The following EXOSC10 variants were observed in gnomAD, a reference collection of about 807,000 sequenced individuals.
EXOSC10 encodes the protein exosome component 10, also known as exosome complex component 10.
A neutral mutation model predicts 126.6 loss-of-function variants in EXOSC10; 94 were observed. That is an observed-to-expected ratio of 0.74 (90% confidence interval 0.63 to 0.88). The LOEUF (loss-of-function observed/expected upper bound fraction) is 0.88, where lower values mean the gene tolerates loss of function less well. EXOSC10 is among the 40% of genes least tolerant of loss of function. EXOSC10 has a pLI of 0.00. For missense variants in EXOSC10, 1,041 were observed against 1,100.5 expected (o/e 0.95, Z 0.77); for synonymous variants, 395 against 400.8 (o/e 0.99, Z 0.17).
At chr1:11,098,231 T>G in intron 1 of EXOSC10, 75 bp from the exon 2 acceptor site, 1 of 1,505,212 alleles carries the variant, frequency 6.6e-7, no homozygotes, top group East Asian at 2.3e-5. Flanking sequence ...TTTTGATCTA[T>G]CGTATACAAG....
At chr1:11,090,327 A>G (rs1276062900) in intron 6 of EXOSC10, among the ~76,000 whole-genome samples, 1 of 152,182 alleles carries the variant, frequency 6.6e-6, no homozygotes, top group Non-Finnish European at 1.5e-5. Context: ...AAATGGGAAT[A>G]AGAGCAACTG....
chr1:11,090,781 A>T, intron 5 of EXOSC10, 113 bp from the exon 6 acceptor site: 1 of 859,376 alleles, frequency 1.2e-6, no homozygotes, highest in Non-Finnish European at 1.8e-6. Context: ...AGACAGGGTC[A>T]TGTTCTGTCC....
intron 1 of EXOSC10, 99 bp downstream of exon 1, chr1:11,099,622 G>A (rs1235001493): frequency 7.5e-7 from 1 of 1,330,430 alleles, no homozygotes; most frequent in Non-Finnish European, 1.0e-6. Context: ...CCTCGCTCGG[G>A]CTCCACTACG....
intron 9 of EXOSC10, among the ~76,000 whole-genome samples, chr1:11,083,703 T>C (rs933538086): frequency 1.1e-4 from 17 of 152,138 alleles, no homozygotes; most frequent in Non-Finnish European, 2.4e-4. Context: ...TGTATACATG[T>C]GCCATGCTGG....
At chr1:11,076,638 C>T (rs1280673124) in intron 17 of EXOSC10, among the ~76,000 whole-genome samples, 1 of 151,692 alleles carries the variant, frequency 6.6e-6, no homozygotes, top group Non-Finnish European at 1.5e-5. Flanking sequence ...AGAGAATCCC[C>T]CATCCACGTC....
chr1:11,078,407 G>A (rs1316768853), intron 14 of EXOSC10, among the ~76,000 whole-genome samples: 1 of 151,624 alleles, frequency 6.6e-6, no homozygotes, highest in East Asian at 1.9e-4. Context: ...ACAGGCGCCC[G>A]CCACTACGCC....
rs2100933152 is a variant in EXOSC10 at position 11,066,754 on chromosome 1, G to C, written c.2628-6C>G. The C allele has an allele frequency of 6.2e-7, 1 of 1,614,096 alleles. No individual in the cohort carries two copies. Among genetic ancestry groups the C allele is most frequent in the South Asian group, 1.1e-5 (1 of 91,088 alleles). The stretch of plus-strand genomic sequence containing the variant: ...GCCAGTTGTACCTGAAGCCTCTGCA[G>C]AGAGTACAAAAACAACAGTTATTTC... On this transcript the variant is annotated splice_polypyrimidine_tract_variant and splice_region_variant and intron_variant, in intron 24 of 24. Coordinates refer to ENST00000376936, the MANE Select transcript of EXOSC10 (RefSeq NM_001001998.3).
chr1:11,078,968 G>A (rs1182448969), intron 14 of EXOSC10, among the ~76,000 whole-genome samples: 1 of 152,030 alleles, frequency 6.6e-6, no homozygotes, highest in Non-Finnish European at 1.5e-5. Flanking sequence ...ATTTCCCTAG[G>A]GTTGTTTAGA....
chr1:11,080,563 A>AAAAAACACAC lies in EXOSC10; in HGVS notation c.1587-15_1587-14insGTGTGTTTTT, dbSNP rs763871842. The stretch of plus-strand genomic sequence containing the variant: ...GGCAGTACATATCTGGAAAAAAAAA[A>AAAAAACACAC]ACACACACACACACACACACACACA... On this transcript the variant is annotated splice_polypyrimidine_tract_variant and intron_variant, in intron 12 of 24. Transcript: ENST00000376936. The AAAAAACACAC allele has an allele frequency of 7.7e-6, 11 of 1,423,628 alleles. No homozygotes were observed. The East Asian group carries it at 2.6e-4, about 34-fold the overall frequency. 88.2% of individuals were successfully genotyped at this position (1,423,628 alleles called of 1,614,324 possible).
intron 21 of EXOSC10, chr1:11,070,681 C>T (rs2100947528): frequency 1.8e-6 from 1 of 544,402 alleles, no homozygotes; most frequent in Non-Finnish European, 3.2e-6. Flanking sequence ...GCATATTTAC[C>T]ATAAACACAG....
rs371921029 is a variant in EXOSC10 at position 11,092,014 on chromosome 1, T to C, written c.373-417A>G. On this transcript the variant is annotated intron_variant, in intron 3 of 24. Coordinates refer to ENST00000376936, the MANE Select transcript of EXOSC10 (RefSeq NM_001001998.3). Reference sequence around the variant, plus strand: ...CTAATTACCTAACATTTTAAAGAGATTGGTATTCAGAGACATTTGTGTAAG... The same window carrying C: ...CTAATTACCTAACATTTTAAAGAGACTGGTATTCAGAGACATTTGTGTAAG... 3.2e-4 allele frequency among the ~76,000 whole-genome samples: 48 copies of C among 152,264 alleles called. No homozygotes were observed. The South Asian group carries it at 8.1e-3, about 26-fold the overall frequency.
chr1:11,069,244 T>TGTGTGTGTGAGAGA lies in EXOSC10; in HGVS notation c.2488+314_2488+315insTCTCTCACACACAC. On this transcript the variant is annotated intron_variant, in intron 22 of 24. Transcript: ENST00000376936. ...ACAAAATTCTGTGTGTGTGTGTGTG[T>TGTGTGTGTGAGAGA]GAGAGAGAGAGAGAGGGTTTATGGG... 4.3e-5 allele frequency among the ~76,000 whole-genome samples: 5 copies of TGTGTGTGTGAGAGA among 116,896 alleles called. No individual in the cohort carries two copies. In the East Asian group the frequency reaches 1.3e-3, roughly 31 times the overall value. The allele number at this position is 116,896 out of a possible 152,430, so 76.7% of individuals were successfully genotyped here.
chr1:11,076,168 A>AAAACC (rs1639805793), intron 17 of EXOSC10, among the ~76,000 whole-genome samples: 1 of 151,888 alleles, frequency 6.6e-6, no homozygotes, highest in South Asian at 2.1e-4. Context: ...TCCATCTCAA[A>AAAACC]AAACCAAACC....
chr1:11,093,392 C>A (rs1640903623), intron 3 of EXOSC10, among the ~76,000 whole-genome samples: 2 of 152,202 alleles, frequency 1.3e-5, no homozygotes, highest in Non-Finnish European at 2.9e-5. Flanking sequence ...TTGGGCACTA[C>A]TAACAGAGGC....
chr1:11,069,479 C>G, intron 22 of EXOSC10, 80 bp downstream of exon 22: 1 of 1,471,182 alleles, frequency 6.8e-7, no homozygotes, highest in Non-Finnish European at 9.2e-7. Context: ...TCACTTGGCC[C>G]CTATATTGTG....
intron 4 of EXOSC10, 95 bp downstream of exon 4, chr1:11,091,398 T>C: frequency 8.9e-7 from 1 of 1,119,478 alleles, no homozygotes; most frequent in East Asian, 2.5e-5. Context: ...TGGCCAGTTC[T>C]CTAATAAATT....
Position 11,068,649 on chromosome 1 carries a change from C to T in EXOSC10, c.2546G>A (p.Gly849Asp). 1.2e-6 allele frequency: 2 copies of T among 1,614,020 alleles called. No individual in the cohort carries two copies. Among genetic ancestry groups the T allele is most frequent in the Non-Finnish European group, 1.7e-6 (2 of 1,179,870 alleles). Residue 849 changes from glycine (G) to aspartate (D), a missense_variant, in exon 23 of 25, where the codon GGC (glycine) becomes GAC (aspartate). Physicochemically the swap from Gly to Asp is moderately conservative, Grantham distance 94 (BLOSUM62 -1). Around this residue, in one of 3 missense-constraint regions of EXOSC10, gnomAD observed 388 missense variants for 415.2 expected, o/e 0.93. Transcript: ENST00000376936. ...TCCTCCAGGAGCAGTTCTTACCTTGCCAGACGGGGTCTGTTTATTTGGATC... is the reference window on the plus strand; with the variant it reads ...TCCTCCAGGAGCAGTTCTTACCTTGTCAGACGGGGTCTGTTTATTTGGATC... The part of the protein sequence containing the change: ...QFDPNKQTPS[G>D]KKCIAAKKIK...
At chr1:11,084,719 T>C (rs1640392209) in intron 9 of EXOSC10, among the ~76,000 whole-genome samples, 1 of 152,220 alleles carries the variant, frequency 6.6e-6, no homozygotes, top group South Asian at 2.1e-4. Context: ...TCCTGAATGG[T>C]ATTGCCTAGG....
chr1:11,069,244 T>TGTGTGTGTGTGTGTGTGAGAGAGAGA lies in EXOSC10; in HGVS notation c.2488+314_2488+315insTCTCTCTCTCACACACACACACACAC. Among the ~76,000 whole-genome samples the TGTGTGTGTGTGTGTGTGAGAGAGAGA allele has an allele frequency of 1.6e-4, 19 of 116,898 alleles. No homozygotes were observed. The South Asian group carries it at 4.0e-3, about 25-fold the overall frequency. 76.7% of individuals were successfully genotyped at this position (116,898 alleles called of 152,430 possible). On this transcript the variant is annotated intron_variant, in intron 22 of 24. Transcript: ENST00000376936. ...ACAAAATTCTGTGTGTGTGTGTGTG[T>TGTGTGTGTGTGTGTGTGAGAGAGAGA]GAGAGAGAGAGAGAGGGTTTATGGG...
Sources: allele counts gnomAD v4.1 joint callset (sites outside exome capture counted in the v4.1 genomes callset), GRCh38; gene constraint gnomAD v4.1.1; regional missense constraint gnomAD v4.1.1; transcripts MANE v1.5; gene names NCBI Gene and HGNC (gene_info 2026-07-23, HGNC 2026-07-21).